The following ROBO1 variants were observed in gnomAD, a reference collection of about 807,000 sequenced individuals.
ROBO1 encodes the protein roundabout homolog 1.
In ROBO1, 149 loss-of-function variants were observed where a neutral mutation model predicts 195.9. The observed-to-expected ratio is 0.76, with a 90% CI of 0.67 to 0.87. ROBO1 has a LOEUF of 0.87. Ranked by LOEUF, ROBO1 falls within the 40% of genes least tolerant of loss-of-function variation. The pLI is 0.00. For missense variants in ROBO1, 1,933 were observed against 2,068.3 expected, an observed-to-expected ratio of 0.93 and a Z score of 1.27; for synonymous variants, 816 against 733.2, an observed-to-expected ratio of 1.11 and a Z score of -1.82.
At chr3:79,612,352 C>G (rs1443443287) in intron 1 of ROBO1, among the ~76,000 whole-genome samples, 1 of 146,014 alleles carries the variant, frequency 6.8e-6, no homozygotes, top group African/African-American at 2.6e-5. Flanking sequence ...CTACAAAGGA[C>G]ATGAACTCAT....
intron 2 of ROBO1, among the ~76,000 whole-genome samples, chr3:79,375,879 T>C (rs1277524901): frequency 6.6e-6 from 1 of 152,212 alleles, no homozygotes; most frequent in Non-Finnish European, 1.5e-5. Flanking sequence ...GTTTAAAGTC[T>C]AGTTTTATCA....
In ROBO1 at chr3:78,664,224, G is replaced by C. The variant is rs143043359; in HGVS notation, c.1967-2110C>G. ...TGTAAAAGGTCTTTCTCAACATTCA[G>C]AATTAGACTTAAAGAAGACCTAATT... On this transcript the variant is annotated intron_variant, in intron 14 of 30. Transcript: ENST00000464233. 5.1e-3 allele frequency among the ~76,000 whole-genome samples: 770 copies of C among 152,234 alleles called. 9 individuals carry two copies. The highest frequency in any genetic ancestry group is 3.3e-3 in the Non-Finnish European group (224 of 68,026).
intron 2 of ROBO1, among the ~76,000 whole-genome samples, chr3:79,277,160 C>T (rs1576911575): frequency 6.6e-6 from 1 of 152,052 alleles, no homozygotes; most frequent in East Asian, 1.9e-4. Context: ...GAAGAGATAT[C>T]TGCTCTCCAA....
chr3:79,420,848 A>G (rs2038194345), intron 2 of ROBO1, among the ~76,000 whole-genome samples: 1 of 152,154 alleles, frequency 6.6e-6, no homozygotes, highest in South Asian at 2.1e-4. Context: ...AACAGTTACC[A>G]TTTGACCCAG....
At chr3:79,466,593 T>C (rs1937971452) in intron 2 of ROBO1, among the ~76,000 whole-genome samples, 1 of 152,080 alleles carries the variant, frequency 6.6e-6, no homozygotes, top group Non-Finnish European at 1.5e-5. Flanking sequence ...ATCCACCTAA[T>C]TAGTAGATTC....
At chr3:78,723,375 G>A (rs561040809) in intron 5 of ROBO1, among the ~76,000 whole-genome samples, 14 of 152,138 alleles carry the variant, frequency 9.2e-5, no homozygotes, top group Middle Eastern at 3.4e-3. Context: ...TATCATGGTC[G>A]CACACAATAA....
At chr3:79,012,773 C>T (rs2077816407) in intron 3 of ROBO1, among the ~76,000 whole-genome samples, 1 of 152,106 alleles carries the variant, frequency 6.6e-6, no homozygotes. Flanking sequence ...TAGAAATAGC[C>T]TTTTGGATGG....
At chr3:79,689,336 T>A (rs1203651312) in intron 1 of ROBO1, among the ~76,000 whole-genome samples, 1 of 152,036 alleles carries the variant, frequency 6.6e-6, no homozygotes, top group Non-Finnish European at 1.5e-5. Context: ...TATTGAGAAA[T>A]CTGAGGCTTT....
At chr3:78,627,695 T>C in intron 25 of ROBO1, 126 bp from the exon 26 acceptor site, 3 of 1,063,412 alleles carry the variant, frequency 2.8e-6, no homozygotes, top group Non-Finnish European at 2.6e-6. Context: ...ATTAAGGAGA[T>C]ATTATTGAAA....
intron 1 of ROBO1, among the ~76,000 whole-genome samples, chr3:79,717,792 A>G (rs767058743): frequency 2.6e-5 from 4 of 152,000 alleles, no homozygotes; most frequent in Non-Finnish European, 2.9e-5. Context: ...TAGTTACACT[A>G]GATTATGTGT....
At chr3:78,696,476 C>T (rs919119043) in intron 8 of ROBO1, among the ~76,000 whole-genome samples, 4 of 151,988 alleles carry the variant, frequency 2.6e-5, no homozygotes, top group Non-Finnish European at 5.9e-5. Context: ...TTCTAGGCCT[C>T]CTGACAATAT....
In ROBO1 at chr3:78,938,505, C is replaced by A. The variant is rs2039942455; in HGVS notation, c.499+96G>T. 5.9e-6 allele frequency: 6 copies of A among 1,011,080 alleles called. No individual in the cohort carries two copies. The East Asian group carries it at 1.6e-4, about 26-fold the overall frequency. 62.6% of individuals were successfully genotyped at this position (1,011,080 alleles called of 1,614,324 possible). ...AGCTAGAGTTTATCCTCAGGTAAGG[C>A]CTGAGATACAAATTCGACTTTTCAT... On this transcript the variant is annotated intron_variant, in intron 4 of 30. Transcript: ENST00000464233.
intron 4 of ROBO1, among the ~76,000 whole-genome samples, chr3:78,908,642 C>T (rs1457466087): frequency 6.6e-6 from 1 of 151,888 alleles, no homozygotes; most frequent in African/African-American, 2.4e-5. Flanking sequence ...CTATTGCATT[C>T]CTTATAGCAT....
chr3:79,209,265 A>G (rs2081928561), intron 2 of ROBO1, among the ~76,000 whole-genome samples: 1 of 152,158 alleles, frequency 6.6e-6, no homozygotes, highest in African/African-American at 2.4e-5. Context: ...TTGTTGAGTT[A>G]CTTCAACTAG....
At chr3:79,112,749 AC>A (rs2079910282) in intron 3 of ROBO1, among the ~76,000 whole-genome samples, 1 of 132,354 alleles carries the variant, frequency 7.6e-6, no homozygotes, top group Non-Finnish European at 1.6e-5. Flanking sequence ...ACACACCCAC[AC>A]TGGGGCCTGT....
At chr3:79,670,696 A>G (rs1321727962) in intron 1 of ROBO1, among the ~76,000 whole-genome samples, 3 of 151,876 alleles carry the variant, frequency 2.0e-5, no homozygotes, top group African/African-American at 7.2e-5. Context: ...CGTAAGAAGC[A>G]TAGAGCACTA....
chr3:79,425,342 A>G (rs910259662), intron 2 of ROBO1, among the ~76,000 whole-genome samples: 1 of 152,132 alleles, frequency 6.6e-6, no homozygotes, highest in Non-Finnish European at 1.5e-5. Flanking sequence ...AAACTATTTT[A>G]AAAATAACCG....
chr3:79,276,064 A>G (rs939071078), intron 2 of ROBO1, among the ~76,000 whole-genome samples: 5 of 152,078 alleles, frequency 3.3e-5, no homozygotes, highest in African/African-American at 1.2e-4. Context: ...CAATCTACAG[A>G]TTCAATGCAA....
chr3:78,783,580 A>G (rs905527638), intron 4 of ROBO1, among the ~76,000 whole-genome samples: 4 of 152,318 alleles, frequency 2.6e-5, no homozygotes, highest in Admixed American at 2.0e-4. Flanking sequence ...TTTACTATAC[A>G]TAGGTTCTAT....
Sources: gnomAD v4.1 joint callset for allele counts (sites outside exome capture counted in the v4.1 genomes callset) on GRCh38, gnomAD v4.1.1 for gene constraint, MANE v1.5 for transcripts, NCBI Gene and HGNC (gene_info 2026-07-23, HGNC 2026-07-21) for gene names.